Variants in BCAT2 observed in about 807,000 individuals in gnomAD.
BCAT2 encodes branched-chain-amino-acid aminotransferase, mitochondrial.
In BCAT2, 44 loss-of-function variants were observed where a neutral mutation model predicts 52.9. The ratio of observed to expected loss-of-function variants is 0.83; its 90% CI spans 0.65 to 1.07. The LOEUF is 1.07. BCAT2 is among the 50% of genes least tolerant of loss of function. The pLI, the probability that BCAT2 is intolerant of heterozygous loss-of-function variation, is 0.00. For synonymous variants in BCAT2, 215 were observed against 217.1 expected (o/e 0.99, Z 0.08); for missense variants, 478 against 521.8 (o/e 0.92, Z 0.82).
chr19:48,798,872 G>C (rs972957289), intron 6 of BCAT2: 2 of 148,822 alleles, frequency 1.3e-5, no homozygotes, highest in Non-Finnish European at 2.9e-5. Context: ...TCCTGACCTC[G>C]TGATCTGCCC....
intron 1 of BCAT2, among the ~76,000 whole-genome samples, chr19:48,809,563 C>G (rs1388367911): frequency 6.6e-6 from 1 of 151,964 alleles, no homozygotes; most frequent in African/African-American, 2.4e-5. Flanking sequence ...CAGACCAGGG[C>G]TGTTCTATGA....
At chr19:48,800,694 C>A (rs1336067361) in intron 3 of BCAT2, among the ~76,000 whole-genome samples, 1 of 152,126 alleles carries the variant, frequency 6.6e-6, no homozygotes, top group African/African-American at 2.4e-5. Flanking sequence ...TGACTGGAGT[C>A]CCAGGTATTT....
At chr19:48,796,829 A>G (rs368594587) in intron 8 of BCAT2, 108 bp downstream of exon 8, 1 of 1,592,608 alleles carries the variant, frequency 6.3e-7, no homozygotes, top group East Asian at 2.2e-5. Flanking sequence ...CGGGAGAGAC[A>G]GACCCAGGAG....
chr19:48,796,448 T>C lies in BCAT2; in HGVS notation c.1120A>G (p.Lys374Glu), dbSNP rs140856269. Residue 374 changes from lysine (K) to glutamate (E), a missense_variant, in exon 10 of 11, where the codon AAG becomes GAG. Lys to Glu is a moderately conservative substitution (Grantham distance 56). Coordinates refer to ENST00000316273, the MANE Select transcript of BCAT2 (RefSeq NM_001190.4). ...NGPELILRFQ[K>E]ELKEIQYGIR... ...CTCACCTGGATCTCCTTCAGCTCCT[T>C]CTGGAAGCGGAGGATCAGCTCAGGC... is the stretch of plus-strand genomic sequence containing the variant. 3.0e-4 allele frequency: 482 copies of C among 1,614,104 alleles called. 1 individual carries two copies. In the African/African-American group the frequency reaches 5.2e-3, roughly 18 times the overall value.
At position 48,795,203 on chromosome 19, in the gene BCAT2, A is replaced by G. The variant is rs2034471004; in HGVS notation, c.*223T>C. ...TATCCTTGACCGCACGACAAGGAGT[A>G]ATGGGCGGACCTGAACCCGCGACGA... is the stretch of plus-strand genomic sequence containing the variant. On this transcript the variant is annotated 3_prime_UTR_variant, in exon 11 of 11. Coordinates refer to ENST00000316273, the MANE Select transcript of BCAT2 (RefSeq NM_001190.4). The G allele has an allele frequency of 3.3e-6, 2 of 610,888 alleles. No individual in the cohort carries two copies. The highest frequency in any genetic ancestry group is 5.5e-5 in the Admixed American group (2 of 36,666). The allele number at this position is 610,888 out of a possible 1,614,324, so 37.8% of individuals were successfully genotyped here.
In BCAT2 at chr19:48,807,123, G is replaced by A. The variant is rs1424425779; in HGVS notation, c.25-49C>T. On this transcript the variant is annotated intron_variant, in intron 1 of 10. Coordinates refer to ENST00000316273, the MANE Select transcript of BCAT2 (RefSeq NM_001190.4). The surrounding 1 kb of genome is among the most constrained non-coding windows in gnomAD (Gnocchi z 4.6). The stretch of plus-strand genomic sequence containing the variant: ...AGGGGGTGAGTGGGGCACAGCAGGG[G>A]CCCTGGCAGCTCGCTCGCCACCTCC... 2.6e-6 allele frequency: 4 copies of A among 1,510,558 alleles called. No homozygotes were observed. Among genetic ancestry groups the A allele is most frequent in the South Asian group, 1.2e-5 (1 of 84,062 alleles). 93.6% of individuals were successfully genotyped at this position (1,510,558 alleles called of 1,614,324 possible).
chr19:48,807,214 G>C lies in BCAT2; in HGVS notation c.25-140C>G. On this transcript the variant is annotated intron_variant, in intron 1 of 10. Transcript: ENST00000316273. The surrounding 1 kb of genome is among the most constrained non-coding windows in gnomAD (Gnocchi z 4.6). ...TTTCAGTCCATTCTAGACGGGGCAGGTGGTCCTGAAGGAGGCCAAGTCCCC... is the reference window on the plus strand; with the variant it reads ...TTTCAGTCCATTCTAGACGGGGCAGCTGGTCCTGAAGGAGGCCAAGTCCCC... The C allele has an allele frequency of 1.4e-6, 1 of 729,990 alleles. No homozygotes were observed. The allele number at this position is 729,990 out of a possible 1,614,324, so 45.2% of individuals were successfully genotyped here.
At chr19:48,806,296 A>G (rs1402504291) in intron 3 of BCAT2, among the ~76,000 whole-genome samples, 1 of 151,248 alleles carries the variant, frequency 6.6e-6, no homozygotes, top group Non-Finnish European at 1.5e-5. Flanking sequence ...TGCCCACAGC[A>G]TGGGGTTTTC....
chr19:48,801,513 A>G (rs2034657250), intron 3 of BCAT2, among the ~76,000 whole-genome samples: 1 of 152,102 alleles, frequency 6.6e-6, no homozygotes, highest in African/African-American at 2.4e-5. Flanking sequence ...TTGAATCTCT[A>G]TTTCACACCT....
chr19:48,797,396 AGAG>A, intron 6 of BCAT2, 63 bp from the exon 7 acceptor site: 2 of 1,591,148 alleles, frequency 1.3e-6, no homozygotes, highest in Non-Finnish European at 1.7e-6. Context: ...GCCCAGCCCC[AGAG>A]GAGGCTCATC....
Position 48,800,070 on chromosome 19 carries a change from T to C in BCAT2, c.442A>G (p.Ile148Val). 2 of 1,614,016 alleles carry C rather than the reference T, an allele frequency of 1.2e-6. No homozygotes were observed. The highest frequency in any genetic ancestry group is 1.1e-5 in the South Asian group (1 of 91,072). ...TTGTCCACTTCGATGAGCCGGCGGA[T>C]GCACTCCAGCAACTCCAGCTTGTCG... ...SFDKLELLEC[I>V]RRLIEVDKDW... Residue 148 changes from isoleucine (I) to valine (V), a missense_variant, in exon 5 of 11, where the codon ATC becomes GTC. By Grantham distance (29) the Ile-to-Val change is conservative. Transcript: ENST00000316273.
intron 3 of BCAT2, 105 bp downstream of exon 3, chr19:48,806,412 A>G (rs2034780382): frequency 7.1e-7 from 1 of 1,411,742 alleles, no homozygotes; most frequent in Non-Finnish European, 9.8e-7. Context: ...CACAGAAAGG[A>G]GAAACACACA....
intron 3 of BCAT2, among the ~76,000 whole-genome samples, chr19:48,801,095 C>T (rs2034647915): frequency 6.6e-6 from 1 of 152,090 alleles, no homozygotes; most frequent in South Asian, 2.1e-4. Flanking sequence ...CCAAGTGATT[C>T]TTGTGCCTCG....
rs1264672880 is a variant in BCAT2, at chr19:48,799,562, G to C, written c.695+113C>G. 7.5e-7 allele frequency: 1 copy of C among 1,336,772 alleles called. No homozygotes were observed. Among genetic ancestry groups the C allele is most frequent in the Non-Finnish European group, 1.0e-6 (1 of 1,001,400 alleles). The allele number at this position is 1,336,772 out of a possible 1,614,324, so 82.8% of individuals were successfully genotyped here. A position where few individuals can be genotyped will look rare whatever the true frequency, so the allele number is the denominator to read the frequency against. ...TTAGCACTGAGCCCTGCACGGTGCT[G>C]ATGATGTCACCTTCATGTGACATCC... On this transcript the variant is annotated intron_variant, in intron 6 of 10. Transcript: ENST00000316273. This position sits in a 1 kb window ranked among gnomAD's most constrained non-coding sequence, Gnocchi z 5.5.
At position 48,807,115 on chromosome 19, in the gene BCAT2, C is replaced by T. The variant is rs1258574421; in HGVS notation, c.25-41G>A. On this transcript the variant is annotated intron_variant, in intron 1 of 10. Transcript: ENST00000316273. This position sits in a 1 kb window ranked among gnomAD's most constrained non-coding sequence, Gnocchi z 4.6. ...AGTGAGAGAGGGGGTGAGTGGGGCA[C>T]AGCAGGGGCCCTGGCAGCTCGCTCG... 1.3e-6 allele frequency: 2 copies of T among 1,557,226 alleles called. No homozygotes were observed. The highest frequency in any genetic ancestry group is 1.8e-6 in the Non-Finnish European group (2 of 1,137,024).
rs961993239 is a variant in BCAT2 at position 48,797,422 on chromosome 19, G to A, written c.696-89C>T. The A allele has an allele frequency of 1.3e-4, 198 of 1,497,000 alleles. No individual in the cohort carries two copies. In the Admixed American group the frequency reaches 1.8e-3, roughly 13 times the overall value. The allele number at this position is 1,497,000 out of a possible 1,614,324, so 92.7% of individuals were successfully genotyped here. On this transcript the variant is annotated intron_variant, in intron 6 of 10. Coordinates refer to ENST00000316273, the MANE Select transcript of BCAT2 (RefSeq NM_001190.4). ...GAGGAGGCTCATCCTACTCTCTCCCGTCTCCCTGCTCACAGCTCTCACAGG... is the reference window on the plus strand; with the variant it reads ...GAGGAGGCTCATCCTACTCTCTCCCATCTCCCTGCTCACAGCTCTCACAGG...
intron 3 of BCAT2, among the ~76,000 whole-genome samples, chr19:48,804,400 C>T (rs977152087): frequency 3.3e-5 from 5 of 150,684 alleles, no homozygotes; most frequent in East Asian, 2.0e-4. Context: ...AAAAATTAGC[C>T]GGGTGTGGTG....
At chr19:48,801,979 A>G (rs1285296471) in intron 3 of BCAT2, among the ~76,000 whole-genome samples, 1 of 148,200 alleles carries the variant, frequency 6.7e-6, no homozygotes, top group African/African-American at 2.5e-5. Flanking sequence ...GGGTCTTACT[A>G]TGTTGCCCAG....
rs1351344648 is a variant in BCAT2 at position 48,796,703 on chromosome 19, C to T, written c.940G>A (p.Val314Met). The T allele has an allele frequency of 1.2e-6, 2 of 1,612,010 alleles. No individual in the cohort carries two copies. Among genetic ancestry groups the T allele is most frequent in the East Asian group, 2.2e-5 (1 of 44,884 alleles). ...TGCTTCATGGTGATCGTGCGCTCCA[C>T]CACCCGGAACTCACCCTGCAGGGCA... is the stretch of plus-strand genomic sequence containing the variant. Reference protein sequence around the residue: ...MAQTWGEFRVVERTITMKQLL... With the variant: ...MAQTWGEFRVMERTITMKQLL... Residue 314 changes from valine (V) to methionine (M), a missense_variant, in exon 9 of 11, where the codon GTG becomes ATG. Transcript: ENST00000316273.
Sources: gnomAD v4.1 joint callset for allele counts (sites outside exome capture counted in the v4.1 genomes callset) on GRCh38, gnomAD v4.1.1 for gene constraint, Gnocchi (gnomAD v3.1) non-coding constraint, MANE v1.5 for transcripts, NCBI Gene and HGNC (gene_info 2026-07-23, HGNC 2026-07-21) for gene names.